The following CPVL variants were observed in gnomAD, a reference collection of about 807,000 sequenced individuals.
CPVL encodes the protein carboxypeptidase vitellogenic like.
CPVL carries 51 observed loss-of-function variants against 63.7 expected under a neutral mutation model. The observed-to-expected ratio is 0.80, with a 90% CI of 0.64 to 1.01. CPVL has a LOEUF of 1.01. Among genes scored for constraint, CPVL ranks in the 50% least tolerant of loss-of-function variants. CPVL has a pLI of 0.00. For missense variants in CPVL, 530 were observed against 573.1 expected, an observed-to-expected ratio of 0.92 and a Z score of 0.77; for synonymous variants, 195 against 206.0, an observed-to-expected ratio of 0.95 and a Z score of 0.46.
Position 29,121,054 on chromosome 7 carries a change from C to A in CPVL, c.8G>T (p.Gly3Val), listed in dbSNP as rs764898499. MV[G>V]AMWKVIVSLV... ...CGAAACAATCACCTTCCACATGGCA[C>A]CAACCATCTCTCAGGGTCTAGGATA... Residue 3 changes from glycine to valine, a missense_variant, in exon 2 of 13, where the codon GGT (glycine) becomes GTT (valine). Physicochemically the swap from Gly to Val is moderately radical, Grantham distance 109. Transcript: ENST00000265394. 1 of 1,600,488 alleles carries A rather than the reference C, an allele frequency of 6.2e-7. No homozygotes were observed.
chr7:29,069,155 G>T (rs1430948080), intron 9 of CPVL, among the ~76,000 whole-genome samples: 6 of 151,716 alleles, frequency 4.0e-5, no homozygotes, highest in Non-Finnish European at 8.8e-5. Flanking sequence ...AAAGTCATTT[G>T]TTGGCCAGGC....
intron 1 of CPVL, among the ~76,000 whole-genome samples, chr7:29,134,332 C>T (rs1790978593): frequency 6.6e-6 from 1 of 152,204 alleles, no homozygotes; most frequent in Non-Finnish European, 1.5e-5. Context: ...CTGCAGGGAG[C>T]CAGTGAACTG....
intron 11 of CPVL, among the ~76,000 whole-genome samples, chr7:29,051,300 C>T (rs1303169416): frequency 6.6e-6 from 1 of 152,164 alleles, no homozygotes; most frequent in Non-Finnish European, 1.5e-5. Context: ...GAACAGTCTG[C>T]AGAGTAAACA....
At chr7:29,008,783 T>C (rs942035393) in intron 12 of CPVL, 10 of 152,176 alleles carry the variant, frequency 6.6e-5, no homozygotes, top group African/African-American at 2.4e-4. Context: ...CTATTATTCT[T>C]CATTTTCTGG....
chr7:29,092,527 T>C (rs1219528851), intron 6 of CPVL, 96 bp downstream of exon 6: 1 of 791,550 alleles, frequency 1.3e-6, no homozygotes. Flanking sequence ...ACTATAAGGC[T>C]CAGTCAATAA....
At chr7:29,021,327 A>G (rs557758033) in intron 12 of CPVL, among the ~76,000 whole-genome samples, 1 of 152,308 alleles carries the variant, frequency 6.6e-6, no homozygotes, top group South Asian at 2.1e-4. Flanking sequence ...TGAATCTGCA[A>G]TTGAAAACCC....
intron 1 of CPVL, among the ~76,000 whole-genome samples, chr7:29,188,269 C>T (rs1401663885): frequency 6.6e-6 from 1 of 152,026 alleles, no homozygotes; most frequent in African/African-American, 2.4e-5. Context: ...GATTATTAAC[C>T]CATTTTAGAG....
At chr7:29,138,531 G>T (rs1424881068) in intron 1 of CPVL, among the ~76,000 whole-genome samples, 5 of 152,092 alleles carry the variant, frequency 3.3e-5, no homozygotes, top group Non-Finnish European at 5.9e-5. Context: ...AAGAATCTAG[G>T]ATGATCCCAG....
At chr7:29,064,015 G>T in intron 11 of CPVL, 46 bp downstream of exon 11, 1 of 1,371,072 alleles carries the variant, frequency 7.3e-7, no homozygotes, top group Non-Finnish European at 1.0e-6. Context: ...TTCTGCTCTG[G>T]GTAATCTGAA....
chr7:29,003,322 G>A (rs1026973861), intron 12 of CPVL, among the ~76,000 whole-genome samples: 6 of 152,190 alleles, frequency 3.9e-5, no homozygotes, highest in African/African-American at 1.4e-4. Flanking sequence ...AAAGCTGGAA[G>A]ACAGTGAAAT....
chr7:29,112,281 G>A (rs1788314032), intron 3 of CPVL, among the ~76,000 whole-genome samples: 2 of 152,122 alleles, frequency 1.3e-5, no homozygotes, highest in Admixed American at 1.3e-4. Flanking sequence ...ACAAGGCCAT[G>A]GCTGACTAGA....
chr7:29,129,270 C>T (rs1362179356), intron 1 of CPVL, among the ~76,000 whole-genome samples: 5 of 152,056 alleles, frequency 3.3e-5, no homozygotes, highest in African/African-American at 9.7e-5. Context: ...TGCTCATAGA[C>T]CAGACATAAT....
At chr7:29,193,556 A>C (rs1364884901) in intron 1 of CPVL, 1 of 152,146 alleles carries the variant, frequency 6.6e-6, no homozygotes, top group Non-Finnish European at 1.5e-5. Flanking sequence ...CAAATTTCAC[A>C]GTTTTCTGTT....
chr7:29,051,271 A>T (rs1790129736), intron 11 of CPVL, among the ~76,000 whole-genome samples: 1 of 152,230 alleles, frequency 6.6e-6, no homozygotes, highest in Non-Finnish European at 1.5e-5. Flanking sequence ...TAAACAAAAG[A>T]GCTTTTGCAC....
At chr7:29,101,049 T>C (rs1485122940) in intron 3 of CPVL, among the ~76,000 whole-genome samples, 1 of 152,220 alleles carries the variant, frequency 6.6e-6, no homozygotes, top group Non-Finnish European at 1.5e-5. Context: ...CATGAGGTTA[T>C]TATGTGACAA....
intron 5 of CPVL, among the ~76,000 whole-genome samples, chr7:29,174,795 G>A (rs958686549): frequency 6.6e-6 from 1 of 151,692 alleles, no homozygotes; most frequent in Non-Finnish European, 1.5e-5. Flanking sequence ...AAGAGGTGGA[G>A]GTTGCAGTGA....
At chr7:29,135,096 C>T (rs1321068625) in intron 1 of CPVL, among the ~76,000 whole-genome samples, 1 of 91,356 alleles carries the variant, frequency 1.1e-5, no homozygotes, top group Non-Finnish European at 2.1e-5. Context: ...AGAGAGAGAC[C>T]TTGCCTCAAA....
At position 29,048,777 on chromosome 7, in the gene CPVL, C is replaced by T. The variant is rs1265173844; in HGVS notation, c.1137+15284G>A. 9.9e-5 allele frequency among the ~76,000 whole-genome samples: 15 copies of T among 152,186 alleles called. No homozygotes were observed. The East Asian group carries it at 2.9e-3, about 29-fold the overall frequency. On this transcript the variant is annotated intron_variant, in intron 11 of 12. Coordinates refer to ENST00000265394, the MANE Select transcript of CPVL (RefSeq NM_031311.5). ...CCAAGATAGACCAAACGACAGGCCACAAAATGAGCCTCAATAAATTTAAGA... is the reference window on the plus strand; with the variant it reads ...CCAAGATAGACCAAACGACAGGCCATAAAATGAGCCTCAATAAATTTAAGA...
At chr7:29,041,248 GTAT>G (rs1789059297) in intron 11 of CPVL, among the ~76,000 whole-genome samples, 1 of 146,318 alleles carries the variant, frequency 6.8e-6, no homozygotes, top group Admixed American at 7.1e-5. Context: ...GCTAATTTTT[GTAT>G]TTTTTGGTAG....
Sources: gnomAD v4.1 joint callset for allele counts (sites outside exome capture counted in the v4.1 genomes callset) on GRCh38, gnomAD v4.1.1 for gene constraint, MANE v1.5 for transcripts, NCBI Gene and HGNC (gene_info 2026-07-23, HGNC 2026-07-21) for gene names.